The following PTPRD variants were observed in gnomAD, a reference collection of about 807,000 sequenced individuals.
PTPRD encodes the protein receptor-type tyrosine-protein phosphatase delta.
Under a neutral mutation model 214.5 loss-of-function variants are expected in PTPRD, and 34 were observed. That is an observed-to-expected ratio of 0.16 (90% CI 0.12 to 0.21). The LOEUF (loss-of-function observed/expected upper bound fraction) is 0.21. Ranked by LOEUF, PTPRD falls within the 10% of genes least tolerant of loss-of-function variation. The pLI is 1.00. For synonymous variants in PTPRD, 1,128 were observed against 845.7 expected (o/e 1.33, Z -5.79); for missense variants, 2,545 against 2,398.7 (o/e 1.06, Z -1.27).
At chr9:9,937,289 TTTCTC>T (rs1245416446) in intron 5 of PTPRD, among the ~76,000 whole-genome samples, 1 of 151,610 alleles carries the variant, frequency 6.6e-6, no homozygotes, top group East Asian at 1.9e-4. Flanking sequence ...TTTTATCTTT[TTTCTC>T]TATATACACA....
intron 11 of PTPRD, among the ~76,000 whole-genome samples, chr9:8,763,332 C>T (rs768224264): frequency 2.6e-5 from 4 of 151,712 alleles, no homozygotes; most frequent in African/African-American, 9.7e-5. Flanking sequence ...GCCAATATAA[C>T]GAAACCCCAT....
intron 14 of PTPRD, among the ~76,000 whole-genome samples, chr9:8,566,026 G>T (rs1435649073): frequency 6.6e-6 from 1 of 151,224 alleles, no homozygotes; most frequent in Non-Finnish European, 1.5e-5. Context: ...AGGTAAGCTG[G>T]TATAGAACAA....
At chr9:9,172,673 T>C (rs1254300806) in intron 10 of PTPRD, among the ~76,000 whole-genome samples, 6 of 152,160 alleles carry the variant, frequency 3.9e-5, no homozygotes, top group Admixed American at 3.9e-4. Context: ...TTGGTTTTTC[T>C]AGTCTGTGTC....
intron 10 of PTPRD, among the ~76,000 whole-genome samples, chr9:9,068,835 C>A (rs1363379389): frequency 6.6e-6 from 1 of 152,126 alleles, no homozygotes; most frequent in Non-Finnish European, 1.5e-5. Context: ...TGGTCTCGAT[C>A]TCCTGACCTT....
At chr9:9,634,772 A>T (rs2154361849) in intron 7 of PTPRD, among the ~76,000 whole-genome samples, 1 of 152,138 alleles carries the variant, frequency 6.6e-6, no homozygotes. Flanking sequence ...GAATGTGTAT[A>T]GAGTTAAGTG....
At chr9:9,029,519 T>C (rs1174486915) in intron 10 of PTPRD, among the ~76,000 whole-genome samples, 1 of 151,880 alleles carries the variant, frequency 6.6e-6, no homozygotes, top group African/African-American at 2.4e-5. Context: ...TTTTAAATTG[T>C]TCCTAGTGCC....
intron 8 of PTPRD, among the ~76,000 whole-genome samples, chr9:9,480,661 G>A (rs2095368672): frequency 1.3e-5 from 2 of 152,160 alleles, no homozygotes; most frequent in South Asian, 4.2e-4. Context: ...ATGATATGTA[G>A]TACGTAAAAA....
At chr9:10,379,943 T>C (rs13294185) in intron 2 of PTPRD, among the ~76,000 whole-genome samples, 3 of 151,998 alleles carry the variant, frequency 2.0e-5, no homozygotes, top group African/African-American at 7.2e-5. Flanking sequence ...CTATTCATTG[T>C]TGTTTATATT....
At chr9:8,831,829 G>T (rs925482194) in intron 11 of PTPRD, among the ~76,000 whole-genome samples, 2 of 152,062 alleles carry the variant, frequency 1.3e-5, no homozygotes, top group Non-Finnish European at 2.9e-5. Context: ...AAACAAAGAC[G>T]ATTTACATAT....
At chr9:10,545,582 T>C (rs1188790823) in intron 2 of PTPRD, among the ~76,000 whole-genome samples, 1 of 152,158 alleles carries the variant, frequency 6.6e-6, no homozygotes, top group East Asian at 1.9e-4. Flanking sequence ...ATTCAAAGCA[T>C]ACCATGTTTA....
intron 8 of PTPRD, among the ~76,000 whole-genome samples, chr9:9,492,368 C>A (rs1589784725): frequency 6.6e-6 from 1 of 150,640 alleles, no homozygotes; most frequent in Admixed American, 6.6e-5. Flanking sequence ...CAACTTTTCC[C>A]TAAAAATGAA....
At chr9:9,130,057 T>A (rs1250719124) in intron 10 of PTPRD, among the ~76,000 whole-genome samples, 1 of 152,160 alleles carries the variant, frequency 6.6e-6, no homozygotes, top group Admixed American at 6.5e-5. Context: ...TCATTTTAAT[T>A]ATTAAGATAT....
intron 5 of PTPRD, among the ~76,000 whole-genome samples, chr9:9,885,140 A>C (rs2070360485): frequency 6.6e-6 from 1 of 152,110 alleles, no homozygotes; most frequent in Admixed American, 6.6e-5. Flanking sequence ...CCAGGCAGAG[A>C]GCTTAAGGTA....
intron 9 of PTPRD, among the ~76,000 whole-genome samples, chr9:9,292,403 G>C (rs1951470760): frequency 6.6e-6 from 1 of 151,366 alleles, no homozygotes; most frequent in Non-Finnish European, 1.5e-5. Context: ...TTGTATATCA[G>C]TAACACATAA....
At chr9:8,530,059 G>A (rs1189162401) in intron 14 of PTPRD, among the ~76,000 whole-genome samples, 2 of 151,934 alleles carry the variant, frequency 1.3e-5, no homozygotes, top group Non-Finnish European at 2.9e-5. Context: ...CTGGCATATC[G>A]CTTCTCCTTG....
At chr9:9,879,009 C>A (rs928412533) in intron 5 of PTPRD, among the ~76,000 whole-genome samples, 30 of 152,210 alleles carry the variant, frequency 2.0e-4, no homozygotes, top group African/African-American at 7.0e-4. Flanking sequence ...TATGTGCCCT[C>A]AAAATAGATT....
At chr9:8,745,644 G>C (rs2092710279) in intron 11 of PTPRD, among the ~76,000 whole-genome samples, 1 of 152,120 alleles carries the variant, frequency 6.6e-6, no homozygotes, top group African/African-American at 2.4e-5. Flanking sequence ...AGACGTGCTT[G>C]GAAGGAAAAA....
intron 10 of PTPRD, among the ~76,000 whole-genome samples, chr9:9,176,411 CTTCTT>C (rs544872948): frequency 1.3e-5 from 2 of 152,140 alleles, no homozygotes; most frequent in South Asian, 4.1e-4. Flanking sequence ...TTCTCCTAAT[CTTCTT>C]TTCTTAGGTG....
At chr9:10,148,952 G>C (rs920631722) in intron 3 of PTPRD, among the ~76,000 whole-genome samples, 1 of 152,180 alleles carries the variant, frequency 6.6e-6, no homozygotes, top group African/African-American at 2.4e-5. Context: ...GTAGCAGAGA[G>C]TGTGATATGT....
Sources: allele counts gnomAD v4.1 joint callset (sites outside exome capture counted in the v4.1 genomes callset), GRCh38; gene constraint gnomAD v4.1.1; transcripts MANE v1.5; gene names NCBI Gene and HGNC (gene_info 2026-07-23, HGNC 2026-07-21).